EFCAB6: variants seen among roughly 807,000 people sequenced by gnomAD.
EFCAB6 encodes EF-hand calcium binding domain 6, also known as EF-hand calcium-binding domain-containing protein 6.
A neutral mutation model predicts 169.8 loss-of-function variants in EFCAB6; 156 were observed. The ratio of observed to expected loss-of-function variants is 0.92; its 90% CI spans 0.81 to 1.05. The LOEUF (loss-of-function observed/expected upper bound fraction) is 1.05. Among genes scored for constraint, EFCAB6 ranks in the 50% least tolerant of loss-of-function variants. The probability of loss-of-function intolerance (pLI) is 0.00; values close to 1 mark genes in which losing one functional copy is unlikely to be tolerated. For missense variants in EFCAB6, 1,800 were observed against 1,829.1 expected (o/e 0.98, Z 0.29); for synonymous variants, 698 against 676.4 (o/e 1.03, Z -0.50).
chr22:43,795,582 C>T lies in EFCAB6; in HGVS notation c.-7-13257G>A, dbSNP rs2062475238. On this transcript the variant is annotated intron_variant, in intron 2 of 31. Transcript: ENST00000262726. The surrounding 1 kb of genome is among the most constrained non-coding windows in gnomAD (Gnocchi z 4.2). ...AGAGGCTTCTCTGACCACCCTGCAT[C>T]TTCCTTGCAGAGTCTCTCACACAGC... 7.4e-6 allele frequency among the ~76,000 whole-genome samples: 1 copy of T among 135,236 alleles called. No homozygotes were observed. The highest frequency in any genetic ancestry group is 1.6e-5 in the Non-Finnish European group (1 of 63,370). 88.7% of individuals were successfully genotyped at this position (135,236 alleles called of 152,430 possible).
chr22:43,585,428 A>G (rs2050999122), intron 24 of EFCAB6, among the ~76,000 whole-genome samples: 2 of 152,312 alleles, frequency 1.3e-5, no homozygotes, highest in South Asian at 4.1e-4. Flanking sequence ...AAATGCAAAG[A>G]AAAAAAGAAC....
chr22:43,681,318 A>G (rs2057998112), intron 12 of EFCAB6, among the ~76,000 whole-genome samples: 1 of 152,236 alleles, frequency 6.6e-6, no homozygotes, highest in Non-Finnish European at 1.5e-5. Context: ...ATGTGGTCAC[A>G]GCACTTAAGC....
chr22:43,777,672 CCT>C (rs1160238732), intron 3 of EFCAB6, among the ~76,000 whole-genome samples: 1 of 152,194 alleles, frequency 6.6e-6, no homozygotes, highest in Non-Finnish European at 1.5e-5. Flanking sequence ...TTAATGTACA[CCT>C]CTGTCTTGAA....
chr22:43,534,247 G>A (rs909742851), intron 30 of EFCAB6, among the ~76,000 whole-genome samples: 1 of 152,138 alleles, frequency 6.6e-6, no homozygotes, highest in Non-Finnish European at 1.5e-5. Flanking sequence ...GATTTTAAAA[G>A]TATTTGGCAG....
At chr22:43,725,689 G>C (rs117668790) in intron 8 of EFCAB6, among the ~76,000 whole-genome samples, 1 of 152,134 alleles carries the variant, frequency 6.6e-6, no homozygotes, top group Non-Finnish European at 1.5e-5. Context: ...GGATGGCAGC[G>C]GGGAAGATGA....
In EFCAB6 at chr22:43,744,723, C is replaced by T. The variant is rs375412521; in HGVS notation, c.508-8730G>A. 1.8e-4 allele frequency among the ~76,000 whole-genome samples: 28 copies of T among 152,282 alleles called. No homozygotes were observed. In the South Asian group the frequency reaches 2.1e-3, roughly 11 times the overall value. ...AAAGCACTGTCCTAATTACTCCCCA[C>T]GGACCCTATAGGAGAGCTTCCCAGA... On this transcript the variant is annotated intron_variant, in intron 6 of 31. Transcript: ENST00000262726. This position sits in a 1 kb window ranked among gnomAD's most constrained non-coding sequence, Gnocchi z 4.3.
intron 22 of EFCAB6, among the ~76,000 whole-genome samples, chr22:43,606,067 T>C (rs756629112): frequency 2.0e-5 from 3 of 152,158 alleles, no homozygotes; most frequent in Non-Finnish European, 2.9e-5. Context: ...GAAAAAGGGA[T>C]TCACTGAAGG....
At chr22:43,617,860 T>C (rs962602075) in intron 20 of EFCAB6, among the ~76,000 whole-genome samples, 1 of 151,994 alleles carries the variant, frequency 6.6e-6, no homozygotes, top group African/African-American at 2.4e-5. Context: ...TCCCAGCACT[T>C]TGTGAGGCCG....
At chr22:43,566,192 C>T (rs1308017741) in intron 26 of EFCAB6, among the ~76,000 whole-genome samples, 4 of 152,160 alleles carry the variant, frequency 2.6e-5, no homozygotes, top group Non-Finnish European at 5.9e-5. Flanking sequence ...AGGTTATTGC[C>T]TGATGGGAGT....
chr22:43,656,326 A>G (rs2056739931), intron 17 of EFCAB6, among the ~76,000 whole-genome samples: 2 of 151,888 alleles, frequency 1.3e-5, no homozygotes, highest in African/African-American at 2.4e-5. Context: ...GGAGGCGGAG[A>G]TTTGCAGTGA....
intron 10 of EFCAB6, among the ~76,000 whole-genome samples, chr22:43,696,565 G>A (rs1245805983): frequency 1.3e-5 from 2 of 152,146 alleles, no homozygotes; most frequent in African/African-American, 2.4e-5. Flanking sequence ...ATCAACTGGT[G>A]AGCGTATAAA....
At chr22:43,736,099 G>C (rs143582805) in intron 6 of EFCAB6, 106 bp from the exon 7 acceptor site, 3 of 1,162,236 alleles carry the variant, frequency 2.6e-6, no homozygotes, top group African/African-American at 1.6e-5. Context: ...AAAATAAAAT[G>C]TTTTCAAAGA....
intron 21 of EFCAB6, among the ~76,000 whole-genome samples, chr22:43,610,041 C>G (rs893864302): frequency 6.6e-6 from 1 of 152,146 alleles, no homozygotes; most frequent in African/African-American, 2.4e-5. Flanking sequence ...ACATCTAGTC[C>G]AGATTTCAAG....
intron 23 of EFCAB6, 85 bp from the exon 24 acceptor site, chr22:43,590,314 T>A (rs993157021): frequency 2.0e-6 from 3 of 1,483,428 alleles, no homozygotes; most frequent in Admixed American, 2.1e-5. Flanking sequence ...ATTATTCTAA[T>A]GCAATGAGCT....
intron 8 of EFCAB6, among the ~76,000 whole-genome samples, chr22:43,723,596 T>A (rs1438982721): frequency 4.6e-5 from 7 of 152,146 alleles, no homozygotes; most frequent in Non-Finnish European, 1.0e-4. Context: ...GACAAAAAGA[T>A]CAAATTATGA....
chr22:43,773,174 T>C (rs1284056117), intron 3 of EFCAB6, 71 bp from the exon 4 acceptor site: 4 of 1,493,074 alleles, frequency 2.7e-6, no homozygotes, highest in Non-Finnish European at 3.7e-6. Flanking sequence ...TCTTGCACTG[T>C]TGAACGGAAC....
intron 10 of EFCAB6, among the ~76,000 whole-genome samples, chr22:43,706,390 T>A (rs1482707786): frequency 6.6e-6 from 1 of 152,228 alleles, no homozygotes; most frequent in Non-Finnish European, 1.5e-5. Flanking sequence ...CCCTGCTGAT[T>A]CTTTCCAGAG....
intron 16 of EFCAB6, among the ~76,000 whole-genome samples, chr22:43,667,573 C>A: frequency 6.6e-6 from 1 of 152,132 alleles, no homozygotes. Context: ...TTCAGTTATG[C>A]TTTGAGCTGG....
chr22:43,644,902 TAG>T (rs2056055840), intron 17 of EFCAB6, among the ~76,000 whole-genome samples: 1 of 152,352 alleles, frequency 6.6e-6, no homozygotes, highest in African/African-American at 2.4e-5. Flanking sequence ...TAAGAAAATG[TAG>T]TTAATTGCAA....
Sources: gnomAD v4.1 joint callset for allele counts (sites outside exome capture counted in the v4.1 genomes callset) on GRCh38, gnomAD v4.1.1 for gene constraint, Gnocchi (gnomAD v3.1) non-coding constraint, MANE v1.5 for transcripts, NCBI Gene and HGNC (gene_info 2026-07-23, HGNC 2026-07-21) for gene names.